Variants in TBC1D14 observed in about 807,000 individuals in gnomAD.
TBC1D14 encodes TBC1 domain family, member 14.
TBC1D14 carries 26 observed loss-of-function variants against 79.0 expected under a neutral mutation model. That is an observed-to-expected ratio of 0.33 (90% CI 0.24 to 0.46). The LOEUF (loss-of-function observed/expected upper bound fraction) is 0.46. Ranked by LOEUF, TBC1D14 falls within the 20% of genes least tolerant of loss-of-function variation. The pLI is 1.00. For missense variants in TBC1D14, 769 were observed against 887.6 expected, an observed-to-expected ratio of 0.87 and a Z score of 1.70; for synonymous variants, 394 against 349.9, an observed-to-expected ratio of 1.13 and a Z score of -1.40.
chr4:7,024,330 AAGAGAGGTCCTCCAGGAGGGGTGG>A (rs1722119508), intron 12 of TBC1D14, among the ~76,000 whole-genome samples: 1 of 152,170 alleles, frequency 6.6e-6, no homozygotes, highest in African/African-American at 2.4e-5. Context: ...TGAACTCCGT[AAGAGAGGTCCTCCAGGAGGGGTGG>A]AGATGTCCCC....
chr4:7,004,870 G>A lies in TBC1D14; in HGVS notation c.1297G>A (p.Ala433Thr), dbSNP rs778010918. The A allele has an allele frequency of 6.2e-7, 1 of 1,614,118 alleles. No homozygotes were observed. Among genetic ancestry groups the A allele is most frequent in the Non-Finnish European group, 8.5e-7 (1 of 1,180,018 alleles). ...GCTCTTTGACATCTGTCTTGCCCGA[G>A]CCAAGGAGAGGTGGCGGTCCCTTAG... is the stretch of plus-strand genomic sequence containing the variant. ...HELFDICLARAKERWRSLSTG... is the reference protein window; with the variant it reads ...HELFDICLARTKERWRSLSTG... The change falls in exon 8 of 14, where the codon GCC (alanine) becomes ACC (threonine). Residue 433 changes from alanine (A) to threonine (T), a missense_variant. Physicochemically the swap from Ala to Thr is moderately conservative, Grantham distance 58. Coordinates refer to ENST00000409757, the MANE Select transcript of TBC1D14 (RefSeq NM_020773.3).
At chr4:6,996,585 G>A (rs544844660) in intron 5 of TBC1D14, among the ~76,000 whole-genome samples, 178 bp downstream of exon 5, 1 of 152,278 alleles carries the variant, frequency 6.6e-6, no homozygotes, top group African/African-American at 2.4e-5. Context: ...CGAAAACAGG[G>A]CTGCAGGGTG....
rs1024870378 is a variant in TBC1D14, at chr4:6,979,099, A to G, written c.843+11675A>G. 5.3e-5 allele frequency among the ~76,000 whole-genome samples: 8 copies of G among 152,220 alleles called. No individual in the cohort carries two copies. In the East Asian group the frequency reaches 1.5e-3, roughly 29 times the overall value. The stretch of plus-strand genomic sequence containing the variant: ...TATTGTAATCCTTAGACCAACCACT[A>G]AACTATACAAAGAGATGGCAAAAAA... On this transcript the variant is annotated intron_variant, in intron 3 of 13. Coordinates refer to ENST00000409757, the MANE Select transcript of TBC1D14 (RefSeq NM_020773.3).
At chr4:6,920,461 A>G (rs1723760882) in intron 1 of TBC1D14, among the ~76,000 whole-genome samples, 1 of 151,714 alleles carries the variant, frequency 6.6e-6, no homozygotes, top group South Asian at 2.1e-4. Flanking sequence ...GCTTTTAATG[A>G]ATTTGCTTTT....
At chr4:6,997,078 C>T (rs1301735463) in intron 5 of TBC1D14, 2 of 152,352 alleles carry the variant, frequency 1.3e-5, no homozygotes, top group African/African-American at 2.4e-5. Context: ...TTCGGCTCAT[C>T]TGCTGGCTAG....
chr4:7,028,432 T>G (rs1027654494), intron 13 of TBC1D14, among the ~76,000 whole-genome samples: 3 of 149,862 alleles, frequency 2.0e-5, no homozygotes, highest in African/African-American at 2.4e-5. Context: ...GTTTTTTGTT[T>G]GTTTTTTTTT....
At chr4:6,913,512 C>T (rs1723161012) in intron 1 of TBC1D14, among the ~76,000 whole-genome samples, 1 of 152,196 alleles carries the variant, frequency 6.6e-6, no homozygotes, top group African/African-American at 2.4e-5. Flanking sequence ...CTGGTTTGAA[C>T]TCAGTTTCTG....
intron 3 of TBC1D14, among the ~76,000 whole-genome samples, chr4:6,978,169 G>A (rs1231632170): frequency 1.5e-4 from 23 of 150,000 alleles, no homozygotes; most frequent in Admixed American, 3.3e-4. Flanking sequence ...GGTGAGGGGC[G>A]CCTCTGCCCG....
intron 3 of TBC1D14, among the ~76,000 whole-genome samples, chr4:6,990,246 C>A (rs1718349875): frequency 1.3e-5 from 2 of 152,242 alleles, no homozygotes; most frequent in South Asian, 4.1e-4. Flanking sequence ...ATCAGGAGTT[C>A]CAGACCAGCC....
intron 2 of TBC1D14, among the ~76,000 whole-genome samples, chr4:6,950,410 C>T (rs558265029): frequency 3.9e-5 from 6 of 152,190 alleles, no homozygotes; most frequent in African/African-American, 1.4e-4. Context: ...ATTTTGTTTT[C>T]TTGTCTTATT....
intron 2 of TBC1D14, among the ~76,000 whole-genome samples, chr4:6,965,794 G>T (rs1466605080): frequency 6.6e-6 from 1 of 152,196 alleles, no homozygotes; most frequent in Admixed American, 6.5e-5. Flanking sequence ...TGAGATTATA[G>T]GTGTGAGCCA....
chr4:6,949,714 C>G (rs1305970184), intron 2 of TBC1D14, among the ~76,000 whole-genome samples: 4 of 150,176 alleles, frequency 2.7e-5, no homozygotes, highest in Non-Finnish European at 5.9e-5. Flanking sequence ...CCTTGAACCT[C>G]TATTTAGGTT....
At chr4:6,956,330 C>G (rs1000571425) in intron 2 of TBC1D14, among the ~76,000 whole-genome samples, 3 of 152,188 alleles carry the variant, frequency 2.0e-5, no homozygotes, top group African/African-American at 7.2e-5. Flanking sequence ...GGCTCCTGAG[C>G]AGCTCTGGCT....
At chr4:6,909,811 G>C (rs1305937016), upstream of TBC1D14, 2 of 148,548 alleles carry the variant, frequency 1.3e-5, no homozygotes, top group African/African-American at 4.9e-5. Context: ...TGTTCGCCGC[G>C]GGCTGCTCGC....
intron 1 of TBC1D14, 60 bp from the exon 2 acceptor site, chr4:6,923,313 G>A: frequency 6.6e-7 from 1 of 1,517,438 alleles, no homozygotes; most frequent in Middle Eastern, 1.8e-4. Context: ...CTGTGTGTCA[G>A]AGGTGTGGCA....
At chr4:6,996,790 C>G (rs1719097810) in intron 5 of TBC1D14, among the ~76,000 whole-genome samples, 1 of 152,186 alleles carries the variant, frequency 6.6e-6, no homozygotes, top group South Asian at 2.1e-4. Context: ...GGCTACTATC[C>G]ATTCCGGGTA....
At chr4:6,928,622 C>A (rs755829172) in intron 2 of TBC1D14, among the ~76,000 whole-genome samples, 1 of 152,188 alleles carries the variant, frequency 6.6e-6, no homozygotes, top group African/African-American at 2.4e-5. Flanking sequence ...CACCTGAAGT[C>A]AGGAGTTTGA....
At chr4:7,019,256 G>A (rs1011452069) in intron 12 of TBC1D14, among the ~76,000 whole-genome samples, 2 of 152,130 alleles carry the variant, frequency 1.3e-5, no homozygotes, top group African/African-American at 2.4e-5. Context: ...TCCTGATCTC[G>A]TGATCCTCCC....
chr4:7,030,199 G>A (rs947876567), intron 13 of TBC1D14, 128 bp from the exon 14 acceptor site: 1 of 794,000 alleles, frequency 1.3e-6, no homozygotes, highest in African/African-American at 1.7e-5. Context: ...AGACCCTGGA[G>A]GGTTGGAGGC....
Sources: gnomAD v4.1 joint callset for allele counts (sites outside exome capture counted in the v4.1 genomes callset) on GRCh38, gnomAD v4.1.1 for gene constraint, MANE v1.5 for transcripts, NCBI Gene and HGNC (gene_info 2026-07-23, HGNC 2026-07-21) for gene names.